SGCD: variants seen among roughly 807,000 people sequenced by gnomAD.
The protein encoded by SGCD is sarcoglycan delta.
In SGCD, 18 loss-of-function variants were observed where a neutral mutation model predicts 36.6. The observed-to-expected ratio is 0.49, with a 90% confidence interval of 0.34 to 0.73. The LOEUF (loss-of-function observed/expected upper bound fraction) is 0.73, where lower values mean the gene tolerates loss of function less well. SGCD is among the 30% of genes least tolerant of loss of function. The pLI, the probability that SGCD is intolerant of heterozygous loss-of-function variation, is 0.01. For synonymous variants in SGCD, 133 were observed against 130.6 expected (o/e 1.02, Z -0.12); for missense variants, 387 against 346.7 (o/e 1.12, Z -0.92).
chr5:155,833,971 A>T, the SGCD span, among the ~76,000 whole-genome samples: 1 of 152,216 alleles, frequency 6.6e-6, no homozygotes, highest in Non-Finnish European at 1.5e-5. Context: ...GAAGGACATC[A>T]GTCTTCCTTT....
chr5:155,948,959 A>C (rs760255139), intron 1 of SGCD, among the ~76,000 whole-genome samples: 1 of 152,174 alleles, frequency 6.6e-6, no homozygotes, highest in South Asian at 2.1e-4. Context: ...AGTGACCACG[A>C]GTTTTAAAAT....
chr5:155,772,964 A>G, the SGCD span, among the ~76,000 whole-genome samples: 1 of 152,154 alleles, frequency 6.6e-6, no homozygotes, highest in Non-Finnish European at 1.5e-5. Flanking sequence ...CTTACCCACC[A>G]GGAGGTTACC....
At chr5:155,916,617 G>A (rs958108584) in intron 1 of SGCD, among the ~76,000 whole-genome samples, 2 of 152,104 alleles carry the variant, frequency 1.3e-5, no homozygotes, top group Non-Finnish European at 1.5e-5. Context: ...CTTTTAAGTT[G>A]CTTCTAGCAG....
intron 4 of SGCD, among the ~76,000 whole-genome samples, chr5:156,566,670 T>A (rs1581178093): frequency 6.6e-6 from 1 of 152,146 alleles, no homozygotes; most frequent in East Asian, 1.9e-4. Context: ...CTATTCTAAG[T>A]GAAAAAATCA....
chr5:156,586,264 C>T (rs569564688), intron 4 of SGCD, among the ~76,000 whole-genome samples: 6 of 152,062 alleles, frequency 3.9e-5, no homozygotes, highest in African/African-American at 1.4e-4. Flanking sequence ...TTGCTATTTC[C>T]TCGTGTTTAG....
chr5:156,248,323 C>T (rs1224261845), intron 3 of SGCD, among the ~76,000 whole-genome samples: 1 of 152,070 alleles, frequency 6.6e-6, no homozygotes, highest in Non-Finnish European at 1.5e-5. Context: ...AGATCGAGAC[C>T]ATCCTGGCCA....
chr5:156,517,465 A>G (rs553962240), intron 4 of SGCD, among the ~76,000 whole-genome samples: 2 of 152,216 alleles, frequency 1.3e-5, no homozygotes, highest in Non-Finnish European at 2.9e-5. Flanking sequence ...AGACAGGCCA[A>G]CATTCAAATT....
intron 3 of SGCD, among the ~76,000 whole-genome samples, chr5:156,438,842 A>C (rs1753365421): frequency 6.6e-6 from 1 of 152,166 alleles, no homozygotes; most frequent in Admixed American, 6.6e-5. Context: ...CAGTCATAAC[A>C]ACTCAACATG....
the SGCD span, among the ~76,000 whole-genome samples, chr5:155,827,601 T>A: frequency 6.6e-6 from 1 of 152,006 alleles, no homozygotes; most frequent in Non-Finnish European, 1.5e-5. Flanking sequence ...AGCTTTCTGT[T>A]AAGTAAAGGA....
chr5:156,443,962 C>G (rs1204663357), intron 3 of SGCD, among the ~76,000 whole-genome samples: 1 of 152,120 alleles, frequency 6.6e-6, no homozygotes, highest in East Asian at 1.9e-4. Context: ...AAATCAGAAT[C>G]TCAATTCTTT....
At chr5:155,801,425 T>A in the SGCD span, among the ~76,000 whole-genome samples, 2 of 152,170 alleles carry the variant, frequency 1.3e-5, no homozygotes, top group Non-Finnish European at 2.9e-5. Context: ...TGAACTTCTC[T>A]TGTCCAACTT....
rs146382974 is a variant in SGCD, at chr5:156,393,458, TAATA to T, written c.192+48786_192+48789del. On this transcript the variant is annotated intron_variant, in intron 3 of 8. Coordinates refer to ENST00000337851, the MANE Select transcript of SGCD (RefSeq NM_000337.6). The stretch of plus-strand genomic sequence containing the variant: ...ACATACAGTTAAATAAATTAAAAGA[TAATA>T]AATACTCAAAACTCATTTCTTCCTA... Among the ~76,000 whole-genome samples, 419 of 152,358 alleles carry T rather than the reference TAATA, an allele frequency of 2.8e-3. 2 individuals carry two copies. The highest frequency in any genetic ancestry group is 9.4e-3 in the African/African-American group (392 of 41,592).
At chr5:155,927,460 T>C (rs538896594) in intron 1 of SGCD, among the ~76,000 whole-genome samples, 1 of 152,078 alleles carries the variant, frequency 6.6e-6, no homozygotes, top group Non-Finnish European at 1.5e-5. Flanking sequence ...AAAAGGGACC[T>C]GTTTTAGGGT....
At chr5:156,387,125 A>G (rs1771318780) in intron 3 of SGCD, among the ~76,000 whole-genome samples, 1 of 152,206 alleles carries the variant, frequency 6.6e-6, no homozygotes, top group Admixed American at 6.5e-5. Context: ...CCTCTCATTC[A>G]TGCTTAGTAA....
chr5:156,144,767 G>T (rs1581127514), intron 3 of SGCD, among the ~76,000 whole-genome samples: 1 of 152,216 alleles, frequency 6.6e-6, no homozygotes, highest in African/African-American at 2.4e-5. Context: ...CAATTTTGCT[G>T]TAGCCTCATT....
chr5:156,600,302 CA>C (rs1206037154), intron 6 of SGCD, among the ~76,000 whole-genome samples: 4 of 152,136 alleles, frequency 2.6e-5, no homozygotes, highest in African/African-American at 9.7e-5. Context: ...CCAAACTCCC[CA>C]ACCTTCTCTC....
intron 3 of SGCD, among the ~76,000 whole-genome samples, chr5:156,444,161 CCTCT>C (rs898473505): frequency 5.5e-5 from 6 of 109,564 alleles, no homozygotes; most frequent in Admixed American, 4.3e-4. Context: ...TCTCTCCTTC[CCTCT>C]CTCTCTCTCC....
intron 3 of SGCD, among the ~76,000 whole-genome samples, chr5:156,449,971 T>C (rs1357647180): frequency 6.6e-6 from 1 of 152,066 alleles, no homozygotes. Context: ...TGGATGGTTA[T>C]AGTCATTTGT....
At chr5:156,646,504 A>G (rs1461085783) in intron 6 of SGCD, among the ~76,000 whole-genome samples, 9 of 152,118 alleles carry the variant, frequency 5.9e-5, no homozygotes, top group Admixed American at 5.9e-4. Flanking sequence ...AGAACACCAC[A>G]CCATTCAAAA....
Sources: allele counts gnomAD v4.1 joint callset (sites outside exome capture counted in the v4.1 genomes callset), GRCh38; gene constraint gnomAD v4.1.1; transcripts MANE v1.5; gene names NCBI Gene and HGNC (gene_info 2026-07-23, HGNC 2026-07-21).